KIAA1210: variants seen among roughly 807,000 people sequenced by gnomAD.
KIAA1210 encodes KIAA1210.
Under a neutral mutation model 78.9 loss-of-function variants are expected in KIAA1210, and 48 were observed. The ratio of observed to expected loss-of-function variants is 0.61; its 90% CI spans 0.48 to 0.77. KIAA1210 has a LOEUF of 0.77. Among genes scored for constraint, KIAA1210 ranks in the 30% least tolerant of loss-of-function variants. The probability of loss-of-function intolerance (pLI) is 0.00; values close to 1 mark genes in which losing one functional copy is unlikely to be tolerated. For synonymous variants in KIAA1210, 406 were observed against 404.5 expected (o/e 1.00, Z -0.04); for missense variants, 1,108 against 1,100.0 (o/e 1.01, Z -0.10).
At position 119,087,998 on chromosome X, in the gene KIAA1210, C is replaced by T. The variant is rs1482865497; in HGVS notation, c.2704G>A (p.Ala902Thr). 3 of 1,211,112 alleles carry T rather than the reference C, an allele frequency of 2.5e-6. No homozygotes were observed. The highest frequency in any genetic ancestry group is 4.3e-5 in the Admixed American group (2 of 45,993). Residue 902 changes from alanine (A) to threonine (T), a missense_variant, in exon 9 of 12, where the codon GCA (alanine) becomes ACA (threonine). Coordinates refer to ENST00000691062, the MANE Select transcript of KIAA1210 (RefSeq NM_001394962.1). ...GAAGTGTATTTGGAAGGTGTTGGTG[C>T]CACAGGACTGCTCCATTCTGCAGAA... ...STSAEWSSPV[A>T]PTPSKYTSPP...
At chrX:119,147,329 C>T in intron 2 of KIAA1210, 1 of 621,591 alleles carries the variant, frequency 1.6e-6, no homozygotes, top group Admixed American at 3.3e-5. Flanking sequence ...ATATTTGTGG[C>T]TTCTAATCTC....
At chrX:119,146,087 C>T (rs1249276505) in intron 2 of KIAA1210, among the ~76,000 whole-genome samples, 1 of 111,855 alleles carries the variant, frequency 8.9e-6, no homozygotes, top group African/African-American at 3.2e-5. Context: ...TAACACACAA[C>T]AAAAAATTAT....
rs1273192474 is a variant in KIAA1210 at position 119,116,425 on chromosome X, G to T, written c.230+71C>A. 9 of 1,084,248 alleles carry T rather than the reference G, an allele frequency of 8.3e-6. No homozygotes were observed. The African/African-American group carries it at 9.3e-5, about 11-fold the overall frequency. The allele number at this position is 1,084,248 out of a possible 1,213,427, so 89.4% of individuals were successfully genotyped here. On this transcript the variant is annotated intron_variant, in intron 3 of 11. Coordinates refer to ENST00000691062, the MANE Select transcript of KIAA1210 (RefSeq NM_001394962.1). Reference sequence around the variant, plus strand: ...TGGTGTCCCTGGTGATTTGGCTGCCGAAAGGTGACCTAGATCCAACTGCCT... The same window carrying T: ...TGGTGTCCCTGGTGATTTGGCTGCCTAAAGGTGACCTAGATCCAACTGCCT...
In KIAA1210 at chrX:119,081,266, C is replaced by CAAAA. The variant is rs10714793; in HGVS notation, c.*59_*62dup. The CAAAA allele has an allele frequency of 2.8e-4, 158 of 559,218 alleles. No homozygotes were observed. Among genetic ancestry groups the CAAAA allele is most frequent in the African/African-American group, 5.1e-4 (11 of 21,691 alleles). The allele number at this position is 559,218 out of a possible 1,213,427, so 46.1% of individuals were successfully genotyped here. On this transcript the variant is annotated 3_prime_UTR_variant, in exon 12 of 12. Transcript: ENST00000691062. Reference sequence around the variant, plus strand: ...TGGGTAACAGAGCGAGACTCTGTCTCAAAAAAAAAAAAAAAAAAAAAAACT... The same window carrying CAAAA: ...TGGGTAACAGAGCGAGACTCTGTCTCAAAAAAAAAAAAAAAAAAAAAAAAAAACT...
intron 7 of KIAA1210, chrX:119,094,022 T>C (rs752437593): frequency 8.3e-7 from 1 of 1,206,483 alleles, no homozygotes; most frequent in South Asian, 1.8e-5. Flanking sequence ...GAGTTTCTAA[T>C]GTCTGAGTGA....
intron 10 of KIAA1210, 121 bp from the exon 11 acceptor site, chrX:119,083,241 A>G (rs1927023670): frequency 2.5e-6 from 1 of 405,759 alleles, no homozygotes; most frequent in Admixed American, 5.0e-5. Flanking sequence ...AACAGTATCC[A>G]AAAGGAAAGA....
intron 2 of KIAA1210, among the ~76,000 whole-genome samples, chrX:119,139,858 C>G (rs1027541465): frequency 8.9e-6 from 1 of 111,950 alleles, no homozygotes; most frequent in Non-Finnish European, 1.9e-5. Context: ...ATGTGAGTCT[C>G]CAATGAGGCC....
intron 3 of KIAA1210, among the ~76,000 whole-genome samples, chrX:119,113,312 G>A (rs772275121): frequency 2.9e-4 from 32 of 111,656 alleles, no homozygotes; most frequent in Non-Finnish European, 4.5e-4. Context: ...GAATTTTACC[G>A]TTTAAGTGGT....
chrX:119,150,158 T>C (rs1315346853), intron 1 of KIAA1210: 1 of 666,935 alleles, frequency 1.5e-6, no homozygotes, highest in Non-Finnish European at 2.2e-6. Context: ...AGAGAAGCTA[T>C]AGCTTTGTCC....
intron 3 of KIAA1210, 128 bp from the exon 4 acceptor site, chrX:119,109,330 T>C: frequency 1.6e-6 from 1 of 613,845 alleles, no homozygotes; most frequent in South Asian, 3.4e-5. Flanking sequence ...TGTGCTGACA[T>C]AGAAAGTGGT....
At chrX:119,121,271 A>G (rs1252413425) in intron 2 of KIAA1210, among the ~76,000 whole-genome samples, 1 of 111,882 alleles carries the variant, frequency 8.9e-6, no homozygotes. Context: ...AATCTAGGAA[A>G]AGCACAAAGA....
rs763416771 is a variant in KIAA1210 at position 119,087,594 on chromosome X, C to T, written c.3108G>A (p.Lys1036=). ...GCAGAGGTGCCACATCACTGCCCCT[C>T]TTAAGAGCAGAGCTCTCTGAAAAGA... ...QQIFSESSAL[K]RGSDVAPLPP... is the part of the protein sequence containing the mutation. The change falls in exon 9 of 12, where the codon AAG becomes AAA. Residue 1036 remains lysine, a synonymous_variant. Coordinates refer to ENST00000691062, the MANE Select transcript of KIAA1210 (RefSeq NM_001394962.1). 8.3e-7 allele frequency: 1 copy of T among 1,209,753 alleles called. No homozygotes were observed. The highest frequency in any genetic ancestry group is 2.2e-5 in the Admixed American group (1 of 45,752).
In KIAA1210 at chrX:119,092,739, T is replaced by C. The variant is rs369691672; in HGVS notation, c.955+928A>G. Among the ~76,000 whole-genome samples the C allele has an allele frequency of 5.2e-3, 533 of 103,073 alleles. 2 individuals are homozygous for C. The highest frequency in any genetic ancestry group is 8.0e-3 in the Non-Finnish European group (407 of 50,779). The allele number at this position is 103,073 out of a possible 115,157, so 89.5% of individuals were successfully genotyped here. On this transcript the variant is annotated intron_variant, in intron 8 of 11. Coordinates refer to ENST00000691062, the MANE Select transcript of KIAA1210 (RefSeq NM_001394962.1). ...TCATGCCACTGCACTCCAGCCTGGG[T>C]GACAGAGTGAGACTCCGTCTTAAAT...
chrX:119,086,926 G>A lies in KIAA1210; in HGVS notation c.3776C>T (p.Ala1259Val). The A allele has an allele frequency of 8.3e-7, 1 of 1,211,520 alleles. No individual in the cohort carries two copies. Among genetic ancestry groups the A allele is most frequent in the Non-Finnish European group, 1.1e-6 (1 of 895,316 alleles). ...AGAAGTGGATGTTTGCCTGACAGGA[G>A]CAATGGTGAACTTCCCAGGTTTGGT... ...PATKPGKFTIAPVRQTSTSGG... is the reference protein window; with the variant it reads ...PATKPGKFTIVPVRQTSTSGG... Residue 1259 changes from alanine (A) to valine (V), a missense_variant, in exon 9 of 12, where the codon GCT becomes GTT. Ala to Val is a moderately conservative substitution (Grantham distance 64, BLOSUM62 0). This residue lies in a region of KIAA1210 where 245 missense variants were observed against 278.8 expected (regional missense o/e 0.88). Coordinates refer to ENST00000691062, the MANE Select transcript of KIAA1210 (RefSeq NM_001394962.1).
intron 2 of KIAA1210, among the ~76,000 whole-genome samples, chrX:119,137,595 T>C (rs1928943616): frequency 8.9e-6 from 1 of 112,860 alleles, no homozygotes; most frequent in African/African-American, 3.2e-5. Flanking sequence ...GTCCAACCCA[T>C]GGCTCCTGTG....
intron 6 of KIAA1210, among the ~76,000 whole-genome samples, chrX:119,100,406 T>C (rs1184414532): frequency 1.2e-5 from 1 of 81,920 alleles, no homozygotes; most frequent in Non-Finnish European, 2.4e-5. Flanking sequence ...GAAAAGCAAA[T>C]AGAATCCCTT....
rs1928277531 is a variant in KIAA1210, at chrX:119,116,664, C to T, written c.62G>A (p.Gly21Glu). Reference protein sequence around the residue: ...SLDVLEAGDEGKKKCKFKALK... With the variant: ...SLDVLEAGDEEKKKCKFKALK... ...GGCTTTAAATTTGCATTTCTTCTTT[C>T]CTGGAAGTGAAAAATGAAAATGAGG... Residue 21 changes from glycine to glutamate, a missense_variant and splice_region_variant, in exon 3 of 12, where the codon GGA becomes GAA. Physicochemically the swap from Gly to Glu is moderately conservative, Grantham distance 98. Transcript: ENST00000691062. The T allele has an allele frequency of 8.4e-7, 1 of 1,195,567 alleles. No individual in the cohort carries two copies. Among genetic ancestry groups the T allele is most frequent in the Non-Finnish European group, 1.1e-6 (1 of 885,955 alleles).
In KIAA1210 at chrX:119,088,761, C is replaced by T. The variant is rs939666800; in HGVS notation, c.1941G>A (p.Glu647=). 3.3e-6 allele frequency: 4 copies of T among 1,211,110 alleles called. No homozygotes were observed. Among genetic ancestry groups the T allele is most frequent in the Non-Finnish European group, 4.5e-6 (4 of 895,286 alleles). Residue 647 remains glutamate (E), a synonymous_variant, in exon 9 of 12, where the codon GAG becomes GAA. Transcript: ENST00000691062. The part of the protein sequence containing the change: ...EVFSESKSFV[E]DLSSSEEELD... ...GCTCCTCCTCAGAGCTGCTCAAGTC[C>T]TCAACAAAACTTTTTGATTCTGAGA...
chrX:119,089,016 G>C lies in KIAA1210; in HGVS notation c.1686C>G (p.His562Gln). 1 of 1,211,912 alleles carries C rather than the reference G, an allele frequency of 8.3e-7. No homozygotes were observed. The highest frequency in any genetic ancestry group is 1.1e-6 in the Non-Finnish European group (1 of 895,346). The change falls in exon 9 of 12, where the codon CAC becomes CAG. Residue 562 changes from histidine to glutamine, a missense_variant. By Grantham distance (24) the His-to-Gln change is conservative. Coordinates refer to ENST00000691062, the MANE Select transcript of KIAA1210 (RefSeq NM_001394962.1). ...ICKEKPSGNV[H>Q]QTFTASVLGM... ...CCAAAACACTTGCTGTAAAGGTCTG[G>C]TGAACATTTCCAGAAGGCTTTTCTT...
Sources: gnomAD v4.1 joint callset for allele counts (sites outside exome capture counted in the v4.1 genomes callset) on GRCh38, gnomAD v4.1.1 for gene constraint, gnomAD v4.1.1 regional missense constraint, MANE v1.5 for transcripts, NCBI Gene and HGNC (gene_info 2026-07-23, HGNC 2026-07-21) for gene names.